ATP10A: variants seen among roughly 807,000 people sequenced by gnomAD.
ATP10A encodes the protein phospholipid-transporting ATPase VA.
ATP10A carries 111 observed loss-of-function variants against 147.8 expected under a neutral mutation model. That is an observed-to-expected ratio of 0.75 (90% CI 0.64 to 0.88). The LOEUF (loss-of-function observed/expected upper bound fraction) is 0.88. ATP10A is among the 40% of genes least tolerant of loss of function. ATP10A has a pLI of 0.00. For synonymous variants in ATP10A, 875 were observed against 841.6 expected (o/e 1.04, Z -0.69); for missense variants, 1,927 against 1,959.0 (o/e 0.98, Z 0.31).
chr15:25,694,990 C>T lies in ATP10A; in HGVS notation c.2917G>A (p.Val973Met), dbSNP rs763937984. Residue 973 changes from valine (V) to methionine (M), a missense_variant, in exon 14 of 21, where the codon GTG (valine) becomes ATG (methionine). By Grantham distance (21) the Val-to-Met change is conservative. Coordinates refer to ENST00000555815, the MANE Select transcript of ATP10A (RefSeq NM_024490.4). Reference sequence around the variant, plus strand: ...TAGGCCAGGCTTCTCCCATCGATCACGAGGCTGGGTCTGCGGCCAGAGGCA... The same window carrying T: ...TAGGCCAGGCTTCTCCCATCGATCATGAGGCTGGGTCTGCGGCCAGAGGCA... ...STASGRRPSL[V>M]IDGRSLAYAL... The T allele has an allele frequency of 6.2e-6, 10 of 1,614,066 alleles. No individual in the cohort carries two copies. In the East Asian group the frequency reaches 8.9e-5, roughly 14 times the overall value.
At chr15:25,794,882 C>T (rs1890596420) in intron 1 of ATP10A, among the ~76,000 whole-genome samples, 1 of 152,108 alleles carries the variant, frequency 6.6e-6, no homozygotes, top group Non-Finnish European at 1.5e-5. Flanking sequence ...TGGCAGTGTC[C>T]CTGGAAGGTG....
At chr15:25,854,757 T>C (rs970330064) in intron 1 of ATP10A, among the ~76,000 whole-genome samples, 5 of 152,120 alleles carry the variant, frequency 3.3e-5, no homozygotes, top group African/African-American at 1.2e-4. Context: ...CTTCACAAAA[T>C]CTTCCAAAAA....
intron 1 of ATP10A, among the ~76,000 whole-genome samples, chr15:25,788,162 C>T (rs1890255864): frequency 6.6e-6 from 1 of 152,226 alleles, no homozygotes; most frequent in Non-Finnish European, 1.5e-5. Flanking sequence ...CTCACAAAAT[C>T]CCTCCTGCAG....
chr15:25,833,352 A>G (rs535350818), intron 1 of ATP10A, among the ~76,000 whole-genome samples: 1 of 152,102 alleles, frequency 6.6e-6, no homozygotes, highest in South Asian at 2.1e-4. Context: ...ATTCTCCCCA[A>G]AAGACCTCAC....
At chr15:25,826,160 C>G (rs1287924462) in intron 1 of ATP10A, among the ~76,000 whole-genome samples, 1 of 152,032 alleles carries the variant, frequency 6.6e-6, no homozygotes, top group African/African-American at 2.4e-5. Flanking sequence ...GAAGAAATAG[C>G]AACAGTCTCA....
chr15:25,678,424 C>T, downstream of ATP10A: 1 of 151,988 alleles, frequency 6.6e-6, no homozygotes, highest in Non-Finnish European at 1.5e-5. Flanking sequence ...CATATCATTG[C>T]CTTGGGTTGT....
intron 2 of ATP10A, among the ~76,000 whole-genome samples, chr15:25,754,904 T>C (rs547777021): frequency 6.6e-5 from 10 of 152,312 alleles, no homozygotes; most frequent in South Asian, 2.1e-4. Flanking sequence ...GGGATTCTTA[T>C]TGGCATTCAG....
chr15:25,697,077 G>A (rs115564977), intron 13 of ATP10A, among the ~76,000 whole-genome samples: 1 of 152,188 alleles, frequency 6.6e-6, no homozygotes, highest in Admixed American at 6.5e-5. Flanking sequence ...AACCAGAGGC[G>A]CTGGAAAAAT....
chr15:25,777,096 C>CGTGTGTGTGT (rs34174555), intron 2 of ATP10A, among the ~76,000 whole-genome samples: 8,654 of 149,748 alleles, frequency 0.058, 275 homozygotes, highest in Middle Eastern at 0.097. Flanking sequence ...TGCATACGTG[C>CGTGTGTGTGT]GTGTGTGTGT....
chr15:25,844,219 G>C (rs1892923922), intron 1 of ATP10A, among the ~76,000 whole-genome samples: 1 of 152,174 alleles, frequency 6.6e-6, no homozygotes, highest in African/African-American at 2.4e-5. Flanking sequence ...TTTTCATAAA[G>C]ACGAGGGGAG....
intron 1 of ATP10A, among the ~76,000 whole-genome samples, chr15:25,837,993 T>C (rs942774431): frequency 4.6e-5 from 7 of 152,244 alleles, no homozygotes; most frequent in Admixed American, 2.0e-4. Flanking sequence ...CTCCGGGCCA[T>C]GGAGCTAGTT....
intron 14 of ATP10A, among the ~76,000 whole-genome samples, chr15:25,692,430 C>T (rs530728054): frequency 1.3e-5 from 2 of 152,246 alleles, no homozygotes; most frequent in South Asian, 4.1e-4. Context: ...GTTATCACTC[C>T]GTGACGGTCA....
Position 25,716,831 on chromosome 15 carries a change from C to T in ATP10A, c.1675G>A (p.Ala559Thr), listed in dbSNP as rs1901847631. ...TCAGACAGCTCAGGCGAGAGGTGGGCCAGCAGGTGCTCCTGATGCCTCGCC... is the reference window on the plus strand; with the variant it reads ...TCAGACAGCTCAGGCGAGAGGTGGGTCAGCAGGTGCTCCTGATGCCTCGCC... ...AVARHQEHLL[A>T]HLSPELSDVF... The change falls in exon 9 of 21, where the codon GCC becomes ACC. Residue 559 changes from alanine to threonine, a missense_variant. Coordinates refer to ENST00000555815, the MANE Select transcript of ATP10A (RefSeq NM_024490.4). 1 of 1,610,718 alleles carries T rather than the reference C, an allele frequency of 6.2e-7. No individual in the cohort carries two copies. Among genetic ancestry groups the T allele is most frequent in the Non-Finnish European group, 8.5e-7 (1 of 1,178,642 alleles).
At chr15:25,726,214 G>T in intron 4 of ATP10A, 132 bp from the exon 5 acceptor site, 1 of 980,590 alleles carries the variant, frequency 1.0e-6, no homozygotes, top group Non-Finnish European at 1.4e-6. Flanking sequence ...AAAAAAGCAG[G>T]GTTTAAAATT....
chr15:25,714,840 C>T (rs950109871), intron 9 of ATP10A, among the ~76,000 whole-genome samples: 1 of 152,054 alleles, frequency 6.6e-6, no homozygotes. Flanking sequence ...ATTTAATATA[C>T]AAATCACATT....
intron 2 of ATP10A, among the ~76,000 whole-genome samples, chr15:25,750,083 GA>G (rs1181927517): frequency 6.6e-6 from 1 of 151,858 alleles, no homozygotes; most frequent in African/African-American, 2.4e-5. Context: ...CAAACTTAAT[GA>G]AAACTATAAA....
At chr15:25,797,399 C>T (rs1182696921) in intron 1 of ATP10A, among the ~76,000 whole-genome samples, 2 of 152,200 alleles carry the variant, frequency 1.3e-5, no homozygotes, top group Non-Finnish European at 2.9e-5. Flanking sequence ...CAGAGAGAGT[C>T]CCCTGAGGCC....
At chr15:25,747,387 A>G (rs1887905254) in intron 2 of ATP10A, among the ~76,000 whole-genome samples, 2 of 152,004 alleles carry the variant, frequency 1.3e-5, no homozygotes, top group South Asian at 4.1e-4. Flanking sequence ...AGTCTACTTG[A>G]CTATATTAAG....
intron 5 of ATP10A, among the ~76,000 whole-genome samples, chr15:25,724,681 T>C (rs1369418397): frequency 2.0e-5 from 3 of 152,244 alleles, no homozygotes; most frequent in African/African-American, 4.8e-5. Flanking sequence ...TAGTAACATC[T>C]GTGCTTCTCC....
Sources: gnomAD v4.1 joint callset for allele counts (sites outside exome capture counted in the v4.1 genomes callset) on GRCh38, gnomAD v4.1.1 for gene constraint, MANE v1.5 for transcripts, NCBI Gene and HGNC (gene_info 2026-07-23, HGNC 2026-07-21) for gene names.